The following IMMP2L variants were observed in gnomAD, a reference collection of about 807,000 sequenced individuals.
IMMP2L encodes inner mitochondrial membrane peptidase subunit 2.
IMMP2L carries 18 observed loss-of-function variants against 19.3 expected under a neutral mutation model. That is an observed-to-expected ratio of 0.93 (90% CI 0.64 to 1.38). IMMP2L has a LOEUF of 1.38. Ranked by LOEUF, IMMP2L falls within the 40% of genes most tolerant of loss-of-function variation. The probability of loss-of-function intolerance (pLI) is 0.00; values close to 1 mark genes in which losing one functional copy is unlikely to be tolerated. For synonymous variants in IMMP2L, 76 were observed against 73.0 expected, an observed-to-expected ratio of 1.04 and a Z score of -0.21; for missense variants, 233 against 218.2, an observed-to-expected ratio of 1.07 and a Z score of -0.43.
chr7:111,491,692 A>G (rs151176172), intron 2 of IMMP2L, among the ~76,000 whole-genome samples: 228 of 152,188 alleles, frequency 1.5e-3, no homozygotes, highest in African/African-American at 5.2e-3. Flanking sequence ...TATGCTCTCT[A>G]TCTCATTCAT....
intron 3 of IMMP2L, among the ~76,000 whole-genome samples, chr7:111,308,159 AAAAAG>A (rs1823091368): frequency 6.6e-6 from 1 of 151,994 alleles, no homozygotes; most frequent in Non-Finnish European, 1.5e-5. Flanking sequence ...ATCCCAGGCT[AAAAAG>A]TAAATATAAT....
intron 5 of IMMP2L, among the ~76,000 whole-genome samples, chr7:110,688,881 T>C (rs768859036): frequency 9.3e-5 from 14 of 150,254 alleles, no homozygotes; most frequent in Non-Finnish European, 1.5e-4. Context: ...ATAACATGTG[T>C]ACATATGTAT....
intron 1 of IMMP2L, among the ~76,000 whole-genome samples, chr7:111,532,062 G>A (rs1215987932): frequency 6.6e-6 from 1 of 152,000 alleles, no homozygotes; most frequent in Non-Finnish European, 1.5e-5. Context: ...GAAGAAGTGA[G>A]ATAGGGGAAA....
intron 3 of IMMP2L, among the ~76,000 whole-genome samples, chr7:111,081,035 GT>G (rs1260389192): frequency 3.3e-5 from 5 of 152,196 alleles, no homozygotes; most frequent in African/African-American, 1.2e-4. Context: ...AATCAGACTA[GT>G]GAGGATATTA....
At chr7:111,382,693 C>T (rs1302004884) in intron 3 of IMMP2L, among the ~76,000 whole-genome samples, 1 of 151,898 alleles carries the variant, frequency 6.6e-6, no homozygotes. Flanking sequence ...GGAGCAAGAG[C>T]CTGAGGAACT....
At chr7:110,886,503 G>T in intron 5 of IMMP2L, 90 bp downstream of exon 5, 1 of 742,374 alleles carries the variant, frequency 1.3e-6, no homozygotes, top group Non-Finnish European at 2.4e-6. Flanking sequence ...GATCAGTCTT[G>T]GCTGAGTTAC....
intron 5 of IMMP2L, among the ~76,000 whole-genome samples, chr7:110,845,463 G>A (rs1192570206): frequency 1.3e-5 from 2 of 151,986 alleles, no homozygotes; most frequent in Non-Finnish European, 2.9e-5. Context: ...TCTCCTGACT[G>A]TTAATGACTT....
At chr7:111,396,252 C>G (rs747585467) in intron 3 of IMMP2L, among the ~76,000 whole-genome samples, 2 of 152,096 alleles carry the variant, frequency 1.3e-5, no homozygotes, top group Admixed American at 6.6e-5. Context: ...AGACTTGGAA[C>G]CAACCTAAAT....
At chr7:111,438,803 C>T (rs1554499033) in intron 3 of IMMP2L, among the ~76,000 whole-genome samples, 1 of 151,766 alleles carries the variant, frequency 6.6e-6, no homozygotes, top group Non-Finnish European at 1.5e-5. Flanking sequence ...TTCTACACCC[C>T]TAACACAATC....
At chr7:110,775,867 T>C (rs192985341) in intron 5 of IMMP2L, among the ~76,000 whole-genome samples, 237 of 152,024 alleles carry the variant, frequency 1.6e-3, no homozygotes, top group African/African-American at 4.0e-3. Context: ...TAGTATTCCA[T>C]GCCCACGCAT....
chr7:111,456,206 CTCTTGTTTACTAAAACAG>C (rs1839661112), intron 3 of IMMP2L, among the ~76,000 whole-genome samples: 1 of 151,970 alleles, frequency 6.6e-6, no homozygotes, highest in Non-Finnish European at 1.5e-5. Flanking sequence ...GTTATTCAAT[CTCTTGTTTACTAAAACAG>C]TGGTAGGGGT....
chr7:111,328,524 G>T (rs535401472), intron 3 of IMMP2L, among the ~76,000 whole-genome samples: 1 of 151,780 alleles, frequency 6.6e-6, no homozygotes, highest in African/African-American at 2.4e-5. Context: ...AAAGTAAATG[G>T]CAATTATAAA....
intron 5 of IMMP2L, among the ~76,000 whole-genome samples, chr7:110,869,959 C>G (rs952475236): frequency 1.3e-5 from 2 of 152,036 alleles, no homozygotes; most frequent in Non-Finnish European, 2.9e-5. Flanking sequence ...ATCTTGTAGT[C>G]CTGCTATTGC....
At chr7:110,752,177 TGCTATAGAAACGGTCA>T (rs1797765391) in intron 5 of IMMP2L, among the ~76,000 whole-genome samples, 1 of 152,030 alleles carries the variant, frequency 6.6e-6, no homozygotes, top group African/African-American at 2.4e-5. Flanking sequence ...TGAGGTTTAG[TGCTATAGAAACGGTCA>T]GCTACAAAGC....
chr7:111,460,723 A>G (rs971062496), intron 3 of IMMP2L, among the ~76,000 whole-genome samples: 5 of 152,086 alleles, frequency 3.3e-5, no homozygotes, highest in Non-Finnish European at 2.9e-5. Context: ...ATGATTATCT[A>G]AAGCCCAACA....
chr7:110,769,181 T>C (rs1057461754), intron 5 of IMMP2L, among the ~76,000 whole-genome samples: 2 of 152,216 alleles, frequency 1.3e-5, no homozygotes, highest in South Asian at 2.1e-4. Flanking sequence ...GCTAGTGCTC[T>C]TTCCTTGTTA....
chr7:111,014,980 T>C (rs1330487744), intron 3 of IMMP2L, among the ~76,000 whole-genome samples: 4 of 152,168 alleles, frequency 2.6e-5, no homozygotes, highest in African/African-American at 9.7e-5. Flanking sequence ...GCATCCTCTA[T>C]GGAATACAGT....
At chr7:111,011,059 T>C (rs919903776) in intron 3 of IMMP2L, among the ~76,000 whole-genome samples, 4 of 151,642 alleles carry the variant, frequency 2.6e-5, no homozygotes, top group African/African-American at 9.7e-5. Context: ...TAGATGAGAG[T>C]AATCCTTGGC....
intron 3 of IMMP2L, among the ~76,000 whole-genome samples, chr7:111,346,780 C>T (rs1183040915): frequency 5.9e-5 from 9 of 152,058 alleles, no homozygotes; most frequent in Non-Finnish European, 1.2e-4. Context: ...CTTGGTGATG[C>T]TTTAGATTTG....
Sources: gnomAD v4.1 joint callset for allele counts (sites outside exome capture counted in the v4.1 genomes callset) on GRCh38, gnomAD v4.1.1 for gene constraint, MANE v1.5 for transcripts, NCBI Gene and HGNC (gene_info 2026-07-23, HGNC 2026-07-21) for gene names.